TANC2: variants seen among roughly 807,000 people sequenced by gnomAD.
TANC2 encodes the protein tetratricopeptide repeat, ankyrin repeat and coiled-coil containing 2.
A neutral mutation model predicts 210.5 loss-of-function variants in TANC2; 26 were observed. The observed-to-expected ratio is 0.12, with a 90% confidence interval of 0.09 to 0.17. TANC2 has a LOEUF of 0.17. Ranked by LOEUF, TANC2 falls within the 10% of genes least tolerant of loss-of-function variation. TANC2 has a pLI of 1.00. For synonymous variants in TANC2, 931 were observed against 967.1 expected (o/e 0.96, Z 0.69); for missense variants, 2,129 against 2,608.9 (o/e 0.82, Z 4.01).
Position 63,231,825 on chromosome 17 carries a change from G to A in TANC2, c.770-5989G>A, listed in dbSNP as rs1473072957. ...TAGCTTGTCTTGTTAGGTTGGGGAAGTTCTCCTGGATGATATCCTGAAGTA... is the reference window on the plus strand; with the variant it reads ...TAGCTTGTCTTGTTAGGTTGGGGAAATTCTCCTGGATGATATCCTGAAGTA... On this transcript the variant is annotated intron_variant, in intron 7 of 27. Coordinates refer to ENST00000689528, the Ensembl canonical transcript of TANC2. 8.5e-5 allele frequency among the ~76,000 whole-genome samples: 13 copies of A among 152,308 alleles called. No individual in the cohort carries two copies. In the East Asian group the frequency reaches 2.5e-3, roughly 29 times the overall value.
chr17:63,242,265 C>T (rs1331404802), intron 8 of TANC2, among the ~76,000 whole-genome samples: 1 of 152,220 alleles, frequency 6.6e-6, no homozygotes, highest in South Asian at 2.1e-4. Context: ...AGCTTTTCCT[C>T]TCAGTGTCTG....
intron 1 of TANC2, among the ~76,000 whole-genome samples, chr17:63,001,837 T>G (rs565891322): frequency 1.3e-3 from 194 of 152,310 alleles, no homozygotes; most frequent in Non-Finnish European, 2.4e-3. Flanking sequence ...TATAAGCCAC[T>G]GCGCCTGGTC....
At position 63,127,233 on chromosome 17, in the gene TANC2, C is replaced by G. The variant is rs530490992; in HGVS notation, c.323-24037C>G. ...GGGATAAATCATTGCTTTAATGAAC[C>G]ATTTTTGTAGATATATTAATGTCTA... is the stretch of plus-strand genomic sequence containing the variant. On this transcript the variant is annotated intron_variant, in intron 4 of 27. Transcript: ENST00000689528. Among the ~76,000 whole-genome samples, 4 of 152,124 alleles carry G rather than the reference C, an allele frequency of 2.6e-5. No individual in the cohort carries two copies. In the East Asian group the frequency reaches 7.7e-4, roughly 29 times the overall value.
intron 8 of TANC2, among the ~76,000 whole-genome samples, chr17:63,243,217 G>C (rs186512923): frequency 6.6e-6 from 1 of 152,286 alleles, no homozygotes; most frequent in Non-Finnish European, 1.5e-5. Context: ...ACAAGGAAAT[G>C]CTGCAATTGA....
intron 1 of TANC2, among the ~76,000 whole-genome samples, chr17:63,003,516 T>C (rs1213784479): frequency 3.9e-5 from 6 of 152,200 alleles, no homozygotes; most frequent in Non-Finnish European, 4.4e-5. Flanking sequence ...AAAGGGATGT[T>C]TTACCTCCCA....
intron 5 of TANC2, among the ~76,000 whole-genome samples, chr17:63,188,684 A>C (rs2041081537): frequency 6.6e-6 from 1 of 151,868 alleles, no homozygotes; most frequent in Non-Finnish European, 1.5e-5. Flanking sequence ...CACTGTGGTT[A>C]TGTAAAATGT....
chr17:63,393,057 G>T (rs774987435), intron 17 of TANC2, among the ~76,000 whole-genome samples: 1 of 152,140 alleles, frequency 6.6e-6, no homozygotes, highest in South Asian at 2.1e-4. Flanking sequence ...TCCAGGTCAG[G>T]ATCTCACATT....
Position 62,982,363 on chromosome 17 carries a change from C to CA in TANC2, c.-24+15621dup, listed in dbSNP as rs575957336. On this transcript the variant is annotated intron_variant, in intron 1 of 27. Transcript: ENST00000689528. The stretch of plus-strand genomic sequence containing the variant: ...AGGATTCCCCCTTTATACTTAAAAA[C>CA]AAAAAAATTAGTTCTCCCCACCTTA... 5.4e-4 allele frequency among the ~76,000 whole-genome samples: 82 copies of CA among 152,066 alleles called. 1 individual carries two copies. The East Asian group carries it at 0.014, about 26-fold the overall frequency.
chr17:63,005,501 A>C (rs966369356), intron 1 of TANC2, among the ~76,000 whole-genome samples: 1 of 151,208 alleles, frequency 6.6e-6, no homozygotes, highest in Admixed American at 6.6e-5. Context: ...AGCCTGCTGG[A>C]ATTTGAGACT....
At chr17:63,133,250 G>A (rs2038980774) in intron 4 of TANC2, among the ~76,000 whole-genome samples, 2 of 151,960 alleles carry the variant, frequency 1.3e-5, no homozygotes, top group Non-Finnish European at 2.9e-5. Flanking sequence ...GGGATTACAG[G>A]TGTGTGCCAC....
intron 2 of TANC2, among the ~76,000 whole-genome samples, chr17:63,040,749 A>G (rs990315407): frequency 2.0e-5 from 3 of 152,192 alleles, no homozygotes; most frequent in Non-Finnish European, 2.9e-5. Flanking sequence ...GAATATGTGT[A>G]TGGTTCCATT....
At chr17:62,994,879 T>C (rs566122615) in intron 1 of TANC2, among the ~76,000 whole-genome samples, 35 of 152,370 alleles carry the variant, frequency 2.3e-4, no homozygotes, top group Non-Finnish European at 4.4e-4. Context: ...TCTGGAAATA[T>C]TCTTCTCTTT....
At chr17:63,049,886 T>A (rs1336000307) in intron 2 of TANC2, among the ~76,000 whole-genome samples, 1 of 152,038 alleles carries the variant, frequency 6.6e-6, no homozygotes, top group Non-Finnish European at 1.5e-5. Flanking sequence ...ACTGTTGGAT[T>A]GTATGTGCAG....
rs950023511 is a variant in TANC2, at chr17:63,412,292, G to A, written c.3898+162G>A. Among the ~76,000 whole-genome samples, 8 of 152,096 alleles carry A rather than the reference G, an allele frequency of 5.3e-5. No individual in the cohort carries two copies. The highest frequency in any genetic ancestry group is 1.2e-4 in the African/African-American group (5 of 41,408). ...GAGAGGCTCTTGGCCCAGGGAAAGC[G>A]CCATCTGAGCCATGGTCTGCAGTCC... On this transcript the variant is annotated intron_variant, in intron 23 of 27. Transcript: ENST00000689528. The surrounding 1 kb of genome is among the most constrained non-coding windows in gnomAD (Gnocchi z 4.2).
intron 5 of TANC2, among the ~76,000 whole-genome samples, chr17:63,171,087 T>C (rs868762513): frequency 2.4e-4 from 34 of 142,126 alleles, no homozygotes; most frequent in Admixed American, 7.6e-4. Flanking sequence ...CTTTCTTTTT[T>C]TTTTTTTTTT....
At chr17:63,378,988 TAAAG>T (rs2047517251) in intron 14 of TANC2, among the ~76,000 whole-genome samples, 1 of 151,954 alleles carries the variant, frequency 6.6e-6, no homozygotes, top group Non-Finnish European at 1.5e-5. Flanking sequence ...AAAGTCTAAA[TAAAG>T]AAAAAGATAC....
At chr17:63,403,053 C>T (rs2048390879) in intron 19 of TANC2, among the ~76,000 whole-genome samples, 1 of 152,118 alleles carries the variant, frequency 6.6e-6, no homozygotes, top group East Asian at 1.9e-4. Context: ...AGAAAAAGGC[C>T]AAATGGAACA....
chr17:63,113,739 C>T (rs149815722), intron 4 of TANC2, among the ~76,000 whole-genome samples: 6 of 152,252 alleles, frequency 3.9e-5, no homozygotes, highest in African/African-American at 1.4e-4. Flanking sequence ...AAGTCCTGGG[C>T]TCAAGCAACC....
At position 63,412,994 on chromosome 17, in the gene TANC2, T is replaced by G. The variant is rs1266136807; in HGVS notation, c.3928+285T>G. On this transcript the variant is annotated intron_variant, in intron 24 of 27. Transcript: ENST00000689528. This position sits in a 1 kb window ranked among gnomAD's most constrained non-coding sequence, Gnocchi z 4.2. ...GTCATCCTCAGTAATGTTGGTTTGT[T>G]TCACATCTGATTGACATTCGAACTG... Among the ~76,000 whole-genome samples the G allele has an allele frequency of 1.3e-5, 2 of 152,230 alleles. No individual in the cohort carries two copies. The highest frequency in any genetic ancestry group is 2.4e-5 in the African/African-American group (1 of 41,454).
Sources: gnomAD v4.1 joint callset for allele counts (sites outside exome capture counted in the v4.1 genomes callset) on GRCh38, gnomAD v4.1.1 for gene constraint, Gnocchi (gnomAD v3.1) non-coding constraint, MANE v1.5 for transcripts, NCBI Gene and HGNC (gene_info 2026-07-23, HGNC 2026-07-21) for gene names.